RGS6: variants seen among roughly 807,000 people sequenced by gnomAD.
The protein encoded by RGS6 is regulator of G-protein signaling 6.
In RGS6, 30 loss-of-function variants were observed where a neutral mutation model predicts 78.5. The ratio of observed to expected loss-of-function variants is 0.38; its 90% CI spans 0.29 to 0.52. The LOEUF is 0.52. Among genes scored for constraint, RGS6 ranks in the 20% least tolerant of loss-of-function variants. RGS6 has a pLI of 0.85. For synonymous variants in RGS6, 206 were observed against 206.0 expected (o/e 1.00, Z 0.00); for missense variants, 495 against 609.7 (o/e 0.81, Z 1.98).
chr14:72,206,574 G>A (rs113102736), intron 2 of RGS6, among the ~76,000 whole-genome samples: 7,210 of 152,084 alleles, frequency 0.047, 395 homozygotes, highest in African/African-American at 0.13. Context: ...GTTCCACATC[G>A]CTGGGGAGGC....
intron 2 of RGS6, among the ~76,000 whole-genome samples, chr14:72,234,209 T>C (rs2153814814): frequency 6.6e-6 from 1 of 152,104 alleles, no homozygotes; most frequent in Non-Finnish European, 1.5e-5. Context: ...TAAGACAGGC[T>C]CATCTCTTGA....
At chr14:71,908,484 GT>G in the RGS6 span, 1 of 152,180 alleles carries the variant, frequency 6.6e-6, no homozygotes, top group African/African-American at 2.4e-5. Context: ...CTCTCAAGTG[GT>G]TCTTTGAAGA....
chr14:72,322,530 C>G (rs1273574207), intron 2 of RGS6, among the ~76,000 whole-genome samples: 3 of 151,986 alleles, frequency 2.0e-5, no homozygotes, highest in Admixed American at 2.0e-4. Context: ...GTGAAAGCAT[C>G]CAGGTTATTT....
At chr14:72,013,205 G>C (rs1374455511) in intron 2 of RGS6, among the ~76,000 whole-genome samples, 1 of 150,226 alleles carries the variant, frequency 6.7e-6, no homozygotes, top group Non-Finnish European at 1.5e-5. Flanking sequence ...TGGGAGGTGG[G>C]GGTTGCAGTG....
the RGS6 span, among the ~76,000 whole-genome samples, chr14:71,899,541 A>G: frequency 1.1e-4 from 16 of 152,322 alleles, no homozygotes; most frequent in South Asian, 3.3e-3. Flanking sequence ...TGTGTGGCAT[A>G]AACAAATCCA....
intron 1 of RGS6, among the ~76,000 whole-genome samples, chr14:71,938,393 C>G (rs1190067561): frequency 2.0e-5 from 3 of 152,222 alleles, no homozygotes; most frequent in Admixed American, 1.3e-4. Context: ...GTTCTGCCCA[C>G]TGGGAAGATT....
upstream of RGS6, among the ~76,000 whole-genome samples, chr14:71,932,228 G>A (rs958056283): frequency 3.9e-5 from 6 of 152,200 alleles, no homozygotes; most frequent in African/African-American, 1.2e-4. Context: ...GCGGCTCTGG[G>A]AACAGGTGAG....
At chr14:72,056,591 C>T (rs952556256) in intron 2 of RGS6, among the ~76,000 whole-genome samples, 2 of 152,174 alleles carry the variant, frequency 1.3e-5, no homozygotes, top group African/African-American at 4.8e-5. Flanking sequence ...TTTATGCAAC[C>T]TTAGTAATTA....
At chr14:72,000,644 T>A (rs992580730) in intron 2 of RGS6, among the ~76,000 whole-genome samples, 1 of 151,950 alleles carries the variant, frequency 6.6e-6, no homozygotes, top group Non-Finnish European at 1.5e-5. Context: ...GAAAATGTAG[T>A]AGGCAGGGTA....
chr14:71,954,626 T>C (rs564073965), intron 1 of RGS6, among the ~76,000 whole-genome samples: 14 of 152,206 alleles, frequency 9.2e-5, no homozygotes, highest in Non-Finnish European at 1.6e-4. Flanking sequence ...ATTGAGTTGT[T>C]GTTATTGACA....
chr14:72,179,633 AT>A lies in RGS6; in HGVS notation c.85-172459del, dbSNP rs531078887. Among the ~76,000 whole-genome samples the A allele has an allele frequency of 7.9e-5, 12 of 151,146 alleles. No homozygotes were observed. The South Asian group carries it at 2.5e-3, about 32-fold the overall frequency. ...TTCCTGCCAACACCATTTTTTTGTG[AT>A]TTGTATGTTCCCTTCCCCACCCCCC... On this transcript the variant is annotated intron_variant, in intron 2 of 17. Coordinates refer to ENST00000553525, the MANE Select transcript of RGS6 (RefSeq NM_001204424.2).
chr14:72,514,378 C>T (rs1183645521), intron 14 of RGS6, among the ~76,000 whole-genome samples: 1 of 152,216 alleles, frequency 6.6e-6, no homozygotes, highest in Non-Finnish European at 1.5e-5. Context: ...GCCCAGACCT[C>T]CTGGTAGGAT....
chr14:71,961,276 A>T (rs990066063), intron 1 of RGS6, among the ~76,000 whole-genome samples: 7 of 152,180 alleles, frequency 4.6e-5, no homozygotes, highest in Non-Finnish European at 7.3e-5. Flanking sequence ...TTTGAAGGAA[A>T]GTTAGAAATG....
chr14:72,612,613 G>A, the RGS6 span: 3 of 518,818 alleles, frequency 5.8e-6, no homozygotes, highest in East Asian at 1.6e-4. Context: ...GAGGGCAGGA[G>A]GAGAATCAGG....
intron 3 of RGS6, among the ~76,000 whole-genome samples, chr14:72,364,026 A>AAC (rs869138887): frequency 6.7e-6 from 1 of 148,356 alleles, no homozygotes; most frequent in African/African-American, 2.5e-5. Context: ...AAAAAAAAAA[A>AAC]CTCTATATTT....
intron 2 of RGS6, among the ~76,000 whole-genome samples, chr14:72,030,766 G>C (rs1385689402): frequency 6.6e-6 from 1 of 152,200 alleles, no homozygotes; most frequent in East Asian, 1.9e-4. Context: ...GGGGTGGGAA[G>C]AATGTGGTAG....
intron 2 of RGS6, among the ~76,000 whole-genome samples, chr14:71,979,916 C>T (rs374101813): frequency 7.0e-6 from 1 of 142,412 alleles, no homozygotes; most frequent in South Asian, 2.5e-4. Context: ...GTAGGTCACT[C>T]AGGACTTGCT....
At chr14:72,550,693 A>ATCAG in intron 17 of RGS6, 5 of 1,427,332 alleles carry the variant, frequency 3.5e-6, no homozygotes, top group Non-Finnish European at 4.6e-6. Context: ...TTTGTGAGTC[A>ATCAG]TCACAATCCG....
Position 72,269,567 on chromosome 14 carries a change from A to ATTTTTTTTTTTTTTTT in RGS6, c.85-82516_85-82501dup, listed in dbSNP as rs56171281. ...GTTTTTACAGTGAAACCTATCTTAA[A>ATTTTTTTTTTTTTTTT]TTTTTTTTTTTTTTTTTTTTTTTTT... On this transcript the variant is annotated intron_variant, in intron 2 of 17. Coordinates refer to ENST00000553525, the MANE Select transcript of RGS6 (RefSeq NM_001204424.2). Among the ~76,000 whole-genome samples the ATTTTTTTTTTTTTTTT allele has an allele frequency of 1.0e-4, 12 of 120,334 alleles. 4 individuals are homozygous for ATTTTTTTTTTTTTTTT. The highest frequency in any genetic ancestry group is 8.4e-5 in the Non-Finnish European group (5 of 59,348). 78.9% of individuals were successfully genotyped at this position (120,334 alleles called of 152,430 possible).
Sources: allele counts gnomAD v4.1 joint callset (sites outside exome capture counted in the v4.1 genomes callset), GRCh38; gene constraint gnomAD v4.1.1; transcripts MANE v1.5; gene names NCBI Gene and HGNC (gene_info 2026-07-23, HGNC 2026-07-21).